Variants in WNT2 observed in about 807,000 individuals in gnomAD.
WNT2 encodes the protein protein Wnt-2.
In WNT2, 12 loss-of-function variants were observed where a neutral mutation model predicts 36.9. That is an observed-to-expected ratio of 0.33 (90% CI 0.21 to 0.53). The LOEUF (loss-of-function observed/expected upper bound fraction) is 0.53, where lower values mean the gene tolerates loss of function less well. Ranked by LOEUF, WNT2 falls within the 20% of genes least tolerant of loss-of-function variation. WNT2 has a pLI of 0.95. For synonymous variants in WNT2, 163 were observed against 174.6 expected (o/e 0.93, Z 0.52); for missense variants, 379 against 473.1 (o/e 0.80, Z 1.84).
In WNT2 at chr7:117,297,482, A is replaced by C. The variant is rs746871813; in HGVS notation, c.853+130T>G. On this transcript the variant is annotated intron_variant, in intron 4 of 4. Coordinates refer to ENST00000265441, the MANE Select transcript of WNT2 (RefSeq NM_003391.3). ...ACCGCGCCCAGCCCTGTACAGTTTC[A>C]ATAAGAATGATAAGGATCGTGAGCT... 39 of 1,249,356 alleles carry C rather than the reference A, an allele frequency of 3.1e-5. 1 individual carries two copies. The highest frequency in any genetic ancestry group is 4.2e-5 in the Non-Finnish European group (38 of 907,096). 77.4% of individuals were successfully genotyped at this position (1,249,356 alleles called of 1,614,324 possible). A position where few individuals can be genotyped will look rare whatever the true frequency, so the allele number is the denominator to read the frequency against.
chr7:117,310,582 CAA>C (rs774296887), intron 3 of WNT2, among the ~76,000 whole-genome samples: 6 of 55,068 alleles, frequency 1.1e-4, no homozygotes, highest in Admixed American at 2.0e-4. Context: ...GACCCTGTCT[CAA>C]AAAAAAAAAA....
At chr7:117,282,465 G>A (rs1468561071) in intron 4 of WNT2, among the ~76,000 whole-genome samples, 1 of 151,326 alleles carries the variant, frequency 6.6e-6, no homozygotes, top group Non-Finnish European at 1.5e-5. Context: ...GAGGAAGGAG[G>A]AGGGGGAGGA....
At chr7:117,312,090 T>C (rs1186769880) in intron 3 of WNT2, among the ~76,000 whole-genome samples, 1 of 152,224 alleles carries the variant, frequency 6.6e-6, no homozygotes, top group Non-Finnish European at 1.5e-5. Flanking sequence ...CTTAGGAACA[T>C]TTAAAGAAGT....
intron 3 of WNT2, among the ~76,000 whole-genome samples, chr7:117,306,181 C>T (rs930914294): frequency 5.3e-5 from 8 of 152,114 alleles, no homozygotes; most frequent in African/African-American, 1.7e-4. Flanking sequence ...TACTATTCTT[C>T]TTATTGTCAA....
At chr7:117,303,764 T>C (rs2116367898) in intron 3 of WNT2, among the ~76,000 whole-genome samples, 1 of 152,350 alleles carries the variant, frequency 6.6e-6, no homozygotes, top group South Asian at 2.1e-4. Flanking sequence ...CAGTTCATTA[T>C]CTCTGATCCA....
intron 3 of WNT2, among the ~76,000 whole-genome samples, chr7:117,308,731 G>A (rs567581882): frequency 6.6e-6 from 1 of 152,290 alleles, no homozygotes; most frequent in South Asian, 2.1e-4. Context: ...TGAAAGCAAC[G>A]TGGCTCTGCA....
rs1044971812 is a variant in WNT2, at chr7:117,293,043, G to A, written c.853+4569C>T. Among the ~76,000 whole-genome samples the A allele has an allele frequency of 3.9e-5, 6 of 152,068 alleles. No individual in the cohort carries two copies. The South Asian group carries it at 1.0e-3, about 26-fold the overall frequency. Reference sequence around the variant, plus strand: ...AAGCTCAGGTGAGAGGATCACTTGAGCTCAGGAGTCGGAGCCTGCGGTAAG... The same window carrying A: ...AAGCTCAGGTGAGAGGATCACTTGAACTCAGGAGTCGGAGCCTGCGGTAAG... On this transcript the variant is annotated intron_variant, in intron 4 of 4. Coordinates refer to ENST00000265441, the MANE Select transcript of WNT2 (RefSeq NM_003391.3).
In WNT2 at chr7:117,278,050, A is replaced by T. The variant is rs1439407902; in HGVS notation, c.*105T>A. 1.5e-6 allele frequency: 2 copies of T among 1,338,782 alleles called. No individual in the cohort carries two copies. Among genetic ancestry groups the T allele is most frequent in the African/African-American group, 2.9e-5 (2 of 68,994 alleles). The allele number at this position is 1,338,782 out of a possible 1,614,324, so 82.9% of individuals were successfully genotyped here. A position where few individuals can be genotyped will look rare whatever the true frequency, so the allele number is the denominator to read the frequency against. ...GGGCTTCCGTTGAGATAAAGGCCAC[A>T]TGCCTTAGGAAATATCCCCCCAGAA... On this transcript the variant is annotated 3_prime_UTR_variant, in exon 5 of 5. Transcript: ENST00000265441.
Position 117,278,372 on chromosome 7 carries a change from G to A in WNT2, c.866C>T (p.Thr289Ile). 1.2e-6 allele frequency: 2 copies of A among 1,613,572 alleles called. No individual in the cohort carries two copies. The highest frequency in any genetic ancestry group is 1.1e-5 in the South Asian group (1 of 90,968). Residue 289 changes from threonine (T) to isoleucine (I), a missense_variant, in exon 5 of 5, where the codon ACA becomes ATA. Coordinates refer to ENST00000265441, the MANE Select transcript of WNT2 (RefSeq NM_003391.3). ...AGTCAGGTTGCACACACGGCCTGCTGTACCCAGGGAGCCTGGAAGACAAGC... is the reference window on the plus strand; with the variant it reads ...AGTCAGGTTGCACACACGGCCTGCTATACCCAGGGAGCCTGGAAGACAAGC... ...IRDREAGSLG[T>I]AGRVCNLTSR...
intron 3 of WNT2, among the ~76,000 whole-genome samples, chr7:117,311,511 G>T (rs1387149160): frequency 6.6e-6 from 1 of 152,032 alleles, no homozygotes; most frequent in Non-Finnish European, 1.5e-5. Flanking sequence ...GTAGAAATAT[G>T]AATACTATTT....
chr7:117,292,469 A>C, intron 4 of WNT2, among the ~76,000 whole-genome samples: 1 of 152,174 alleles, frequency 6.6e-6, no homozygotes, highest in Non-Finnish European at 1.5e-5. Flanking sequence ...GAAGAGTCAG[A>C]GCATATGTAC....
intron 2 of WNT2, among the ~76,000 whole-genome samples, chr7:117,317,726 T>C (rs1294386882): frequency 6.6e-6 from 1 of 152,212 alleles, no homozygotes; most frequent in East Asian, 1.9e-4. Context: ...TATTGAAGTT[T>C]CTCTAATTTT....
chr7:117,290,784 C>T (rs184487972), intron 4 of WNT2, among the ~76,000 whole-genome samples: 53 of 152,294 alleles, frequency 3.5e-4, no homozygotes, highest in Admixed American at 2.3e-3. Context: ...GATGACACCA[C>T]GAGGATAAGG....
Position 117,289,724 on chromosome 7 carries a change from C to T in WNT2, c.853+7888G>A, listed in dbSNP as rs1794651641. On this transcript the variant is annotated intron_variant, in intron 4 of 4. Coordinates refer to ENST00000265441, the MANE Select transcript of WNT2 (RefSeq NM_003391.3). ...AAGGCAGATACAGTTCCTGCCGTCACAGGATCCTCAGTGGACTCCATTGGT... is the reference window on the plus strand; with the variant it reads ...AAGGCAGATACAGTTCCTGCCGTCATAGGATCCTCAGTGGACTCCATTGGT... Among the ~76,000 whole-genome samples, 4 of 152,338 alleles carry T rather than the reference C, an allele frequency of 2.6e-5. No homozygotes were observed. In the South Asian group the frequency reaches 8.3e-4, roughly 32 times the overall value.
At chr7:117,279,014 G>A (rs1446496455) in intron 4 of WNT2, among the ~76,000 whole-genome samples, 1 of 152,166 alleles carries the variant, frequency 6.6e-6, no homozygotes, top group Non-Finnish European at 1.5e-5. Flanking sequence ...CTGCAGTCTA[G>A]CAGGACATAT....
At chr7:117,305,370 C>T (rs774300359) in intron 3 of WNT2, among the ~76,000 whole-genome samples, 2 of 151,932 alleles carry the variant, frequency 1.3e-5, no homozygotes, top group East Asian at 1.9e-4. Context: ...TCAAAGCTTC[C>T]GTTCTTATTT....
rs557516936 is a variant in WNT2, at chr7:117,285,335, T to C, written c.854-6951A>G. The stretch of plus-strand genomic sequence containing the variant: ...TGCCAGGATGCATGTCTCCAAATTA[T>C]GTGTGCCCTCAAGGTGGTTTTAATA... On this transcript the variant is annotated intron_variant, in intron 4 of 4. Coordinates refer to ENST00000265441, the MANE Select transcript of WNT2 (RefSeq NM_003391.3). 3.7e-4 allele frequency among the ~76,000 whole-genome samples: 57 copies of C among 152,368 alleles called. 1 individual carries two copies. The South Asian group carries it at 8.7e-3, about 23-fold the overall frequency.
At chr7:117,302,494 T>C (rs1794928175) in intron 3 of WNT2, among the ~76,000 whole-genome samples, 2 of 152,198 alleles carry the variant, frequency 1.3e-5, no homozygotes, top group East Asian at 3.8e-4. Flanking sequence ...CGATCCATCA[T>C]TTAAATGAAG....
chr7:117,306,757 T>C (rs757816438), intron 3 of WNT2, among the ~76,000 whole-genome samples: 1 of 152,254 alleles, frequency 6.6e-6, no homozygotes, highest in Non-Finnish European at 1.5e-5. Flanking sequence ...TAAGTTTTAC[T>C]ACGTGGCATC....
Sources: allele counts gnomAD v4.1 joint callset (sites outside exome capture counted in the v4.1 genomes callset), GRCh38; gene constraint gnomAD v4.1.1; transcripts MANE v1.5; gene names NCBI Gene and HGNC (gene_info 2026-07-23, HGNC 2026-07-21).